The following GNPDA1 variants were observed in gnomAD, a reference collection of about 807,000 sequenced individuals.
GNPDA1 encodes the protein GNPDA 1.
A neutral mutation model predicts 28.5 loss-of-function variants in GNPDA1; 24 were observed. The ratio of observed to expected loss-of-function variants is 0.84; its 90% CI spans 0.61 to 1.19. The LOEUF is 1.19. GNPDA1 is among the 50% of genes most tolerant of loss of function. GNPDA1 has a pLI of 0.00. For synonymous variants in GNPDA1, 147 were observed against 139.3 expected, an observed-to-expected ratio of 1.06 and a Z score of -0.39; for missense variants, 264 against 367.3, an observed-to-expected ratio of 0.72 and a Z score of 2.30.
rs897003461 is a variant in GNPDA1, at chr5:142,001,015, A to C, written c.*1014T>G. The C allele has an allele frequency of 2.6e-5, 4 of 152,418 alleles. No homozygotes were observed. Among genetic ancestry groups the C allele is most frequent in the East Asian group, 1.9e-4 (1 of 5,346 alleles). 9.4% of individuals were successfully genotyped at this position (152,418 alleles called of 1,614,324 possible). On this transcript the variant is annotated 3_prime_UTR_variant, in exon 7 of 7. Coordinates refer to ENST00000311337, the MANE Select transcript of GNPDA1 (RefSeq NM_005471.5). Reference sequence around the variant, plus strand: ...TTTCCTGATGCTCTCAGAACATCAGACCACACCATGTGAATTTAAGCAGGA... The same window carrying C: ...TTTCCTGATGCTCTCAGAACATCAGCCCACACCATGTGAATTTAAGCAGGA...
intron 2 of GNPDA1, among the ~76,000 whole-genome samples, chr5:142,009,500 G>A (rs987774336): frequency 6.6e-6 from 1 of 152,134 alleles, no homozygotes; most frequent in Non-Finnish European, 1.5e-5. Context: ...AGCCTCAGAA[G>A]GCAGAAGTTC....
At position 142,011,996 on chromosome 5, in the gene GNPDA1, C is replaced by G; in HGVS notation, c.40G>C (p.Glu14Gln). The G allele has an allele frequency of 6.2e-7, 1 of 1,612,302 alleles. No individual in the cohort carries two copies. Among genetic ancestry groups the G allele is most frequent in the Non-Finnish European group, 8.5e-7 (1 of 1,178,498 alleles). Reference sequence around the variant, plus strand: ...TTCCTGATGTATTTAGCCGCCCACTCGCTCGCCTGAGAATAGTGCTCCAGG... The same window carrying G: ...TTCCTGATGTATTTAGCCGCCCACTGGCTCGCCTGAGAATAGTGCTCCAGG... The part of the protein sequence containing the change: ...IILEHYSQAS[E>Q]WAAKYIRNRI... Residue 14 changes from glutamate (E) to glutamine (Q), a missense_variant, in exon 2 of 7, where the codon GAG becomes CAG. Transcript: ENST00000311337.
chr5:142,003,072 C>A lies in GNPDA1; in HGVS notation c.769+16G>T, dbSNP rs2127088408. ...CTAAGCTTGACCACCTCCTCCTGGA[C>A]CCACACCTCCCTCACCTTTGAAATA... is the stretch of plus-strand genomic sequence containing the variant. On this transcript the variant is annotated intron_variant, in intron 6 of 6. Coordinates refer to ENST00000311337, the MANE Select transcript of GNPDA1 (RefSeq NM_005471.5). This position sits in a 1 kb window ranked among gnomAD's most constrained non-coding sequence, Gnocchi z 4.0. The A allele has an allele frequency of 3.1e-6, 5 of 1,605,092 alleles. No individual in the cohort carries two copies. Among genetic ancestry groups the A allele is most frequent in the Non-Finnish European group, 4.3e-6 (5 of 1,174,780 alleles).
chr5:142,001,434 AC>A lies in GNPDA1; in HGVS notation c.*594del, dbSNP rs1463433599. The A allele has an allele frequency of 2.6e-5, 4 of 151,346 alleles. No homozygotes were observed. Among genetic ancestry groups the A allele is most frequent in the Non-Finnish European group, 4.4e-5 (3 of 67,898 alleles). The allele number at this position is 151,346 out of a possible 1,614,324, so 9.4% of individuals were successfully genotyped here. On this transcript the variant is annotated 3_prime_UTR_variant, in exon 7 of 7. Coordinates refer to ENST00000311337, the MANE Select transcript of GNPDA1 (RefSeq NM_005471.5). ...TCTTTGGCCCCACCCACCCAAATCCACCCCCAGGTTCTCCTAGTTCAGAGAA... is the reference window on the plus strand; with the variant it reads ...TCTTTGGCCCCACCCACCCAAATCCACCCCAGGTTCTCCTAGTTCAGAGAA...
At chr5:142,011,095 C>T (rs1012489049) in intron 2 of GNPDA1, among the ~76,000 whole-genome samples, 3 of 151,420 alleles carry the variant, frequency 2.0e-5, no homozygotes, top group Admixed American at 6.6e-5. Flanking sequence ...TACAGGTGAG[C>T]GCCACCATGC....
chr5:142,004,196 C>T (rs976801036), intron 5 of GNPDA1, among the ~76,000 whole-genome samples: 3 of 152,174 alleles, frequency 2.0e-5, no homozygotes, highest in African/African-American at 7.2e-5. Context: ...GTAAACACCC[C>T]CACCCCACGT....
rs1338105023 is a variant in GNPDA1 at position 142,011,991 on chromosome 5, C to T, written c.45G>A (p.Trp15Ter). The change falls in exon 2 of 7, where the codon TGG becomes TGA. Residue 15 changes from tryptophan (W) to a stop codon, truncating the protein, a stop_gained. Coordinates refer to ENST00000311337, the MANE Select transcript of GNPDA1 (RefSeq NM_005471.5). LOFTEE classifies it high-confidence loss of function. Reference sequence around the variant, plus strand: ...TGCGGTTCCTGATGTATTTAGCCGCCCACTCGCTCGCCTGAGAATAGTGCT... The same window carrying T: ...TGCGGTTCCTGATGTATTTAGCCGCTCACTCGCTCGCCTGAGAATAGTGCT... ...ILEHYSQASE[W>*]AAKYIRNRII... The T allele has an allele frequency of 3.1e-6, 5 of 1,612,366 alleles. No homozygotes were observed. Among genetic ancestry groups the T allele is most frequent in the Non-Finnish European group, 4.2e-6 (5 of 1,178,680 alleles).
At chr5:142,005,282 C>T (rs1191921913) in intron 4 of GNPDA1, 166 bp from the exon 5 acceptor site, 4 of 524,896 alleles carry the variant, frequency 7.6e-6, no homozygotes, top group African/African-American at 3.7e-5. Flanking sequence ...TGTGATCTGT[C>T]CCCCTCCCTA....
At chr5:142,005,612 G>C (rs778493472) in intron 4 of GNPDA1, among the ~76,000 whole-genome samples, 4 of 152,126 alleles carry the variant, frequency 2.6e-5, no homozygotes, top group Admixed American at 6.5e-5. Flanking sequence ...GTATAGAAGA[G>C]TGATCTCTAG....
intron 2 of GNPDA1, 171 bp downstream of exon 2, chr5:142,011,741 C>T (rs1408628802): frequency 1.9e-5 from 12 of 626,520 alleles, no homozygotes; most frequent in Non-Finnish European, 3.3e-5. Flanking sequence ...TAAACCAACC[C>T]ATAAGGGAAG....
At chr5:142,005,231 AC>A in intron 4 of GNPDA1, 115 bp from the exon 5 acceptor site, 1 of 785,538 alleles carries the variant, frequency 1.3e-6, no homozygotes, top group Non-Finnish European at 2.0e-6. Flanking sequence ...AAGCTGTGTC[AC>A]CTTTCTCATT....
chr5:142,002,131 T>C lies in GNPDA1; in HGVS notation c.770-2A>G, dbSNP rs781154061. On this transcript the variant is annotated splice_acceptor_variant, in intron 6 of 6. Coordinates refer to ENST00000311337, the MANE Select transcript of GNPDA1 (RefSeq NM_005471.5). LOFTEE classifies it high-confidence loss of function. The stretch of plus-strand genomic sequence containing the variant: ...ACTTGTTATGAACAAGCATTAAACC[T>C]ACAAAAAATTAAAAACAAAAAGTAG... 16 of 1,508,396 alleles carry C rather than the reference T, an allele frequency of 1.1e-5. No homozygotes were observed. Among genetic ancestry groups the C allele is most frequent in the Non-Finnish European group, 1.4e-5 (15 of 1,091,488 alleles). 93.4% of individuals were successfully genotyped at this position (1,508,396 alleles called of 1,614,324 possible).
At position 142,001,913 on chromosome 5, in the gene GNPDA1, C is replaced by G. The variant is rs1208911193; in HGVS notation, c.*116G>C. 1 of 501,080 alleles carries G rather than the reference C, an allele frequency of 2.0e-6. No individual in the cohort carries two copies. Among genetic ancestry groups the G allele is most frequent in the African/African-American group, 2.0e-5 (1 of 49,810 alleles). The allele number at this position is 501,080 out of a possible 1,614,324, so 31.0% of individuals were successfully genotyped here. A position where few individuals can be genotyped will look rare whatever the true frequency, so the allele number is the denominator to read the frequency against. The stretch of plus-strand genomic sequence containing the variant: ...TCATGGCCAAGAACAATAAGTTCAC[C>G]CACTTATCTGGAGTAACCATACTAG... On this transcript the variant is annotated 3_prime_UTR_variant, in exon 7 of 7. Transcript: ENST00000311337.
rs1293526389 is a variant in GNPDA1, at chr5:142,003,572, T to G, written c.595-310A>C. Among the ~76,000 whole-genome samples, 1 of 152,196 alleles carries G rather than the reference T, an allele frequency of 6.6e-6. No individual in the cohort carries two copies. The highest frequency in any genetic ancestry group is 1.9e-4 in the East Asian group (1 of 5,194). On this transcript the variant is annotated intron_variant, in intron 5 of 6. Transcript: ENST00000311337. This position sits in a 1 kb window ranked among gnomAD's most constrained non-coding sequence, Gnocchi z 4.0. Reference sequence around the variant, plus strand: ...TTTGATGATGACTATGAAGGTGCCCTGTAAACAGACATGCCATGCCCAGGC... The same window carrying G: ...TTTGATGATGACTATGAAGGTGCCCGGTAAACAGACATGCCATGCCCAGGC...
At chr5:142,009,990 C>G (rs544908038) in intron 2 of GNPDA1, among the ~76,000 whole-genome samples, 1 of 152,298 alleles carries the variant, frequency 6.6e-6, no homozygotes, top group South Asian at 2.1e-4. Flanking sequence ...AGGCCAGACT[C>G]TGACCCATAC....
At chr5:142,007,574 A>C (rs1209975795) in intron 3 of GNPDA1, among the ~76,000 whole-genome samples, 1 of 152,236 alleles carries the variant, frequency 6.6e-6, no homozygotes, top group African/African-American at 2.4e-5. Context: ...AGAAACTTCC[A>C]CATCTTTTAT....
chr5:142,006,634 G>A (rs1000903293), intron 3 of GNPDA1, among the ~76,000 whole-genome samples: 7 of 152,132 alleles, frequency 4.6e-5, no homozygotes, highest in Admixed American at 2.0e-4. Context: ...CCATAGGTTA[G>A]AGGCTGGGGA....
chr5:142,006,040 C>A, intron 4 of GNPDA1, 104 bp downstream of exon 4: 1 of 921,390 alleles, frequency 1.1e-6, no homozygotes, highest in Non-Finnish European at 1.7e-6. Context: ...TCTCTACGGT[C>A]ACTAGCACAC....
Position 142,003,106 on chromosome 5 carries a change from T to C in GNPDA1, c.751A>G (p.Thr251Ala). 6.2e-7 allele frequency: 1 copy of C among 1,613,512 alleles called. No homozygotes were observed. Among genetic ancestry groups the C allele is most frequent in the South Asian group, 1.1e-5 (1 of 90,980 alleles). Residue 251 changes from threonine to alanine, a missense_variant, in exon 6 of 7, where the codon ACT becomes GCT. Coordinates refer to ENST00000311337, the MANE Select transcript of GNPDA1 (RefSeq NM_005471.5). The surrounding 1 kb of genome is among the most constrained non-coding windows in gnomAD (Gnocchi z 4.0). Reference protein sequence around the residue: ...EDATLELKVKTVKYFKGLMLV... With the variant: ...EDATLELKVKAVKYFKGLMLV... The stretch of plus-strand genomic sequence containing the variant: ...CCCTCACCTTTGAAATACTTGACAG[T>C]CTTCACTTTCAGCTCCAAGGTGGCA...
Sources: gnomAD v4.1 joint callset for allele counts (sites outside exome capture counted in the v4.1 genomes callset) on GRCh38, gnomAD v4.1.1 for gene constraint, Gnocchi (gnomAD v3.1) non-coding constraint, MANE v1.5 for transcripts, NCBI Gene and HGNC (gene_info 2026-07-23, HGNC 2026-07-21) for gene names.